Variants in PCDHGA9 observed in about 807,000 individuals in gnomAD.
PCDHGA9 encodes the protein protocadherin gamma subfamily A, 9.
A neutral mutation model predicts 62.5 loss-of-function variants in PCDHGA9; 37 were observed. The observed-to-expected ratio is 0.59, with a 90% CI of 0.46 to 0.78. PCDHGA9 has a LOEUF of 0.78. Among genes scored for constraint, PCDHGA9 ranks in the 30% least tolerant of loss-of-function variants. The pLI is 0.00. For missense variants in PCDHGA9, 1,138 were observed against 1,166.2 expected, an observed-to-expected ratio of 0.98 and a Z score of 0.35; for synonymous variants, 459 against 484.6, an observed-to-expected ratio of 0.95 and a Z score of 0.69.
At chr5:141,497,223 T>C (rs921763195) in intron 2 of PCDHGA9, among the ~76,000 whole-genome samples, 1 of 151,762 alleles carries the variant, frequency 6.6e-6, no homozygotes, top group Admixed American at 6.6e-5. Context: ...GGGGGGAAGA[T>C]CAGAGAAGGC....
At chr5:141,410,752 GT>G (rs2095421794) in intron 1 of PCDHGA9, 1 of 1,130,824 alleles carries the variant, frequency 8.8e-7, no homozygotes, top group Non-Finnish European at 1.2e-6. Context: ...TTTTCTCAAT[GT>G]TTTTTCAATT....
At chr5:141,433,362 T>C (rs1285511534) in intron 1 of PCDHGA9, 6 of 299,814 alleles carry the variant, frequency 2.0e-5, no homozygotes, top group Non-Finnish European at 2.5e-5. Flanking sequence ...TGTCTGCCTA[T>C]CTATCTATCT....
At chr5:141,478,505 T>C (rs1298083274) in intron 1 of PCDHGA9, 3 of 1,612,032 alleles carry the variant, frequency 1.9e-6, no homozygotes, top group Non-Finnish European at 2.5e-6. Context: ...TCCGGTGTTC[T>C]ATAGGCAGGT....
intron 2 of PCDHGA9, among the ~76,000 whole-genome samples, chr5:141,496,207 T>C (rs973745475): frequency 6.6e-6 from 1 of 152,134 alleles, no homozygotes; most frequent in Non-Finnish European, 1.5e-5. Flanking sequence ...CAATCTGGTA[T>C]GAATTCCTGC....
intron 1 of PCDHGA9, 26 bp downstream of exon 1, chr5:141,405,402 C>T: frequency 6.3e-7 from 1 of 1,589,724 alleles, no homozygotes; most frequent in Non-Finnish European, 8.6e-7. Flanking sequence ...TTCTTTCTTT[C>T]TTTTCTTTTT....
At chr5:141,473,236 A>G (rs1314160781) in intron 1 of PCDHGA9, among the ~76,000 whole-genome samples, 1 of 152,200 alleles carries the variant, frequency 6.6e-6, no homozygotes, top group Non-Finnish European at 1.5e-5. Flanking sequence ...GGATCCACAC[A>G]AGTGAATACA....
At chr5:141,423,833 T>A in intron 1 of PCDHGA9, 1 of 1,262,398 alleles carries the variant, frequency 7.9e-7, no homozygotes, top group Non-Finnish European at 1.0e-6. Context: ...TTCATGAGAT[T>A]ACGATAATCT....
At chr5:141,408,563 G>T (rs1266893654) in intron 1 of PCDHGA9, 1 of 1,614,040 alleles carries the variant, frequency 6.2e-7, no homozygotes, top group South Asian at 1.1e-5. Flanking sequence ...TCATGTCATT[G>T]TGGTGATTGA....
At chr5:141,412,601 A>G (rs2095565422) in intron 1 of PCDHGA9, 1 of 152,188 alleles carries the variant, frequency 6.6e-6, no homozygotes, top group African/African-American at 2.4e-5. Context: ...ACTAAATAAA[A>G]TTGGCCTATT....
At position 141,477,576 on chromosome 5, in the gene PCDHGA9, C is replaced by A; in HGVS notation, c.2425-17231C>A. The A allele has an allele frequency of 6.2e-7, 1 of 1,614,162 alleles. No homozygotes were observed. The highest frequency in any genetic ancestry group is 8.5e-7 in the Non-Finnish European group (1 of 1,180,026). On this transcript the variant is annotated intron_variant, in intron 1 of 3. Transcript: ENST00000573521. The surrounding 1 kb of genome is among the most constrained non-coding windows in gnomAD (Gnocchi z 4.9). ...CTAAGTGTCTGGGACCCCGACGCCC[C>A]GCAGAATGCTCGGCTTTCTTTCTTT...
chr5:141,410,671 C>G (rs771368781), intron 1 of PCDHGA9: 1 of 1,563,260 alleles, frequency 6.4e-7, no homozygotes, highest in South Asian at 1.2e-5. Context: ...ACTAGTTTCT[C>G]ATATTTTAGG....
chr5:141,414,348 G>A (rs1390188717), intron 1 of PCDHGA9: 1 of 1,613,818 alleles, frequency 6.2e-7, no homozygotes, highest in South Asian at 1.1e-5. Flanking sequence ...GTTCCATTTT[G>A]GCGTATCTAC....
In PCDHGA9 at chr5:141,403,120, C is replaced by G. The variant is rs2094357495; in HGVS notation, c.168C>G (p.Pro56=). ...TCTCCAAGGACCTGGCTCTGGAGCC[C>G]CGGGAGCTGGCGGAGCGCCGAGTCC... ...GNISKDLALE[P]RELAERRVRI... Residue 56 remains proline (P), a synonymous_variant, in exon 1 of 4, where the codon CCC becomes CCG. Coordinates refer to ENST00000573521, the MANE Select transcript of PCDHGA9 (RefSeq NM_018921.3). 1.9e-6 allele frequency: 3 copies of G among 1,614,050 alleles called. No individual in the cohort carries two copies. The highest frequency in any genetic ancestry group is 2.2e-5 in the South Asian group (2 of 91,088).
At chr5:141,420,268 T>C (rs375162019) in intron 1 of PCDHGA9, 254 of 1,543,666 alleles carry the variant, frequency 1.6e-4, no homozygotes, top group Non-Finnish European at 2.1e-4. Context: ...AGAAGATTCT[T>C]AAACAGGTAA....
chr5:141,479,435 G>C (rs2099495981), intron 1 of PCDHGA9: 1 of 152,218 alleles, frequency 6.6e-6, no homozygotes, highest in Non-Finnish European at 1.5e-5. Context: ...TCAATCCACT[G>C]TCTGCACTAA....
chr5:141,438,760 C>T (rs1346379482), intron 1 of PCDHGA9, among the ~76,000 whole-genome samples: 4 of 148,802 alleles, frequency 2.7e-5, no homozygotes, highest in South Asian at 2.1e-4. Context: ...CTCCTGGGTT[C>T]AAGCGATTCT....
At chr5:141,418,674 GCAT>G (rs1401114725) in intron 1 of PCDHGA9, 1 of 1,614,032 alleles carries the variant, frequency 6.2e-7, no homozygotes, top group Non-Finnish European at 8.5e-7. Flanking sequence ...CAGGACGAGG[GCAT>G]CAACTCAGAG....
intron 1 of PCDHGA9, among the ~76,000 whole-genome samples, chr5:141,469,096 G>A (rs1191827174): frequency 6.6e-6 from 1 of 151,944 alleles, no homozygotes; most frequent in Non-Finnish European, 1.5e-5. Flanking sequence ...AGGCAACAAA[G>A]CAAGAACCTG....
chr5:141,458,594 G>A (rs1226490392), intron 1 of PCDHGA9, among the ~76,000 whole-genome samples: 2 of 151,612 alleles, frequency 1.3e-5, no homozygotes, highest in South Asian at 2.1e-4. Flanking sequence ...TTTTGGAGAC[G>A]AGTCTCACTC....
Sources: allele counts gnomAD v4.1 joint callset (sites outside exome capture counted in the v4.1 genomes callset), GRCh38; gene constraint gnomAD v4.1.1; non-coding constraint Gnocchi (gnomAD v3.1); transcripts MANE v1.5; gene names NCBI Gene and HGNC (gene_info 2026-07-23, HGNC 2026-07-21).